The following TMCO1 variants were observed in gnomAD, a reference collection of about 807,000 sequenced individuals.
The protein encoded by TMCO1 is transmembrane and coiled-coil domains 1.
In TMCO1, 29 loss-of-function variants were observed where a neutral mutation model predicts 29.3. That is an observed-to-expected ratio of 0.99 (90% CI 0.74 to 1.35). The LOEUF (loss-of-function observed/expected upper bound fraction) is 1.35, where lower values mean the gene tolerates loss of function less well. Ranked by LOEUF, TMCO1 falls within the 40% of genes most tolerant of loss-of-function variation. The pLI is 0.00. For missense variants in TMCO1, 173 were observed against 225.5 expected (o/e 0.77, Z 1.49); for synonymous variants, 80 against 77.1 (o/e 1.04, Z -0.20).
chr1:165,765,892 T>C (rs1194275229), intron 2 of TMCO1, among the ~76,000 whole-genome samples: 3 of 152,202 alleles, frequency 2.0e-5, no homozygotes, highest in Non-Finnish European at 4.4e-5. Context: ...TTAAAAAGAT[T>C]ATTCTGGCTG....
chr1:165,726,188 TAG>T, downstream of TMCO1: 2 of 698,518 alleles, frequency 2.9e-6, no homozygotes, highest in Middle Eastern at 3.7e-4. Flanking sequence ...TTATTTTGCT[TAG>T]AGTGGTCAAT....
At position 165,768,418 on chromosome 1, in the gene TMCO1, C is replaced by T. The variant is rs1001845463; in HGVS notation, c.71-149G>A. 6.0e-6 allele frequency: 9 copies of T among 1,512,226 alleles called. No homozygotes were observed. In the African/African-American group the frequency reaches 1.2e-4, roughly 21 times the overall value. The allele number at this position is 1,512,226 out of a possible 1,614,324, so 93.7% of individuals were successfully genotyped here. On this transcript the variant is annotated intron_variant, in intron 1 of 6. Transcript: ENST00000367881. ...TTTTCAAAGGCTAATACAACTGACT[C>T]TTCAGCCAAAACAACAGTAACATGA...
intron 4 of TMCO1, among the ~76,000 whole-genome samples, chr1:165,753,670 CG>C (rs1241584340): frequency 2.0e-5 from 3 of 151,566 alleles, no homozygotes; most frequent in Non-Finnish European, 4.4e-5. Flanking sequence ...AAAAATTAGC[CG>C]GGCGTGGTGT....
chr1:165,756,323 G>C (rs1375908355), intron 3 of TMCO1, among the ~76,000 whole-genome samples: 3 of 152,124 alleles, frequency 2.0e-5, no homozygotes, highest in Non-Finnish European at 2.9e-5. Flanking sequence ...AATTAGTGAA[G>C]TCTTACAGTG....
intron 2 of TMCO1, among the ~76,000 whole-genome samples, chr1:165,760,197 G>A (rs751878691): frequency 9.2e-5 from 14 of 152,044 alleles, no homozygotes; most frequent in East Asian, 1.9e-4. Flanking sequence ...AGGCCTAGGC[G>A]GGCAGATCAC....
intron 6 of TMCO1, among the ~76,000 whole-genome samples, chr1:165,740,784 A>C (rs1242338040): frequency 1.3e-5 from 2 of 152,194 alleles, no homozygotes; most frequent in African/African-American, 4.8e-5. Context: ...CTTTGCTATA[A>C]AAGTGAGTTC....
At chr1:165,766,695 G>C (rs759920379) in intron 2 of TMCO1, among the ~76,000 whole-genome samples, 1 of 152,056 alleles carries the variant, frequency 6.6e-6, no homozygotes, top group African/African-American at 2.4e-5. Flanking sequence ...CAGGAGGATC[G>C]CTTAAGCCTG....
chr1:165,768,626 C>A, intron 1 of TMCO1, 56 bp downstream of exon 1: 1 of 1,613,374 alleles, frequency 6.2e-7, no homozygotes, highest in Non-Finnish European at 8.5e-7. Flanking sequence ...CACAGGGGAC[C>A]CCGGGGCCCT....
downstream of TMCO1, chr1:165,726,631 A>G: frequency 2.2e-6 from 1 of 455,234 alleles, no homozygotes; most frequent in Non-Finnish European, 4.4e-6. Context: ...TCTTGGGATA[A>G]TCCTTAAATT....
intron 4 of TMCO1, 101 bp downstream of exon 4, chr1:165,754,127 G>T: frequency 1.0e-6 from 1 of 961,968 alleles, no homozygotes; most frequent in Non-Finnish European, 1.7e-6. Context: ...CTTCACAGGT[G>T]ATAAATTTCT....
chr1:165,731,142 G>A (rs905957386), intron 6 of TMCO1, among the ~76,000 whole-genome samples: 14 of 151,912 alleles, frequency 9.2e-5, no homozygotes, highest in Non-Finnish European at 7.4e-5. Context: ...TTCGTGATCC[G>A]CCTGTCTCAG....
At position 165,749,580 on chromosome 1, in the gene TMCO1, T is replaced by C. The variant is rs372439418; in HGVS notation, c.323+2522A>G. Among the ~76,000 whole-genome samples, 13 of 152,306 alleles carry C rather than the reference T, an allele frequency of 8.5e-5. No individual in the cohort carries two copies. In the East Asian group the frequency reaches 1.3e-3, roughly 16 times the overall value. On this transcript the variant is annotated intron_variant, in intron 5 of 6. Transcript: ENST00000367881. Reference sequence around the variant, plus strand: ...CTGGGAGGCCAGAGGTAGGGATCACTGGGGCCCAGGAGTTCAAGGATGCAG... The same window carrying C: ...CTGGGAGGCCAGAGGTAGGGATCACCGGGGCCCAGGAGTTCAAGGATGCAG...
chr1:165,726,201 G>C, downstream of TMCO1: 1 of 699,270 alleles, frequency 1.4e-6, no homozygotes, highest in Non-Finnish European at 2.6e-6. Context: ...AGTGGTCAAT[G>C]ATATGGAGAA....
intron 6 of TMCO1, among the ~76,000 whole-genome samples, chr1:165,738,294 A>AAAAC (rs1183515991): frequency 6.6e-6 from 1 of 152,180 alleles, no homozygotes; most frequent in Non-Finnish European, 1.5e-5. Context: ...CTCTGTCTCC[A>AAAAC]AAACAAACAA....
At chr1:165,756,229 A>T (rs1469477769) in intron 3 of TMCO1, among the ~76,000 whole-genome samples, 1 of 152,182 alleles carries the variant, frequency 6.6e-6, no homozygotes, top group Non-Finnish European at 1.5e-5. Flanking sequence ...GGACACAAGC[A>T]TCTGGAGCAG....
At chr1:165,768,061 C>T (rs1488314579) in intron 2 of TMCO1, 131 bp downstream of exon 2, 9 of 803,180 alleles carry the variant, frequency 1.1e-5, no homozygotes, top group Admixed American at 4.0e-5. Flanking sequence ...GCATAAAAGT[C>T]TTCTATTTCT....
chr1:165,730,612 T>C (rs1651119544), intron 6 of TMCO1, among the ~76,000 whole-genome samples: 1 of 152,242 alleles, frequency 6.6e-6, no homozygotes, highest in South Asian at 2.1e-4. Flanking sequence ...TTTCTTTTTC[T>C]GAGACGTGGT....
chr1:165,735,732 C>A (rs1651348559), intron 6 of TMCO1, among the ~76,000 whole-genome samples: 1 of 152,208 alleles, frequency 6.6e-6, no homozygotes, highest in African/African-American at 2.4e-5. Context: ...CAAGGTTGGT[C>A]TGGAACTCCT....
intron 1 of TMCO1, chr1:165,768,480 AC>A: frequency 6.5e-7 from 1 of 1,542,462 alleles, no homozygotes; most frequent in African/African-American, 1.4e-5. Flanking sequence ...AGTGAAATCT[AC>A]CTGAGACCAA....
Sources: allele counts gnomAD v4.1 joint callset (sites outside exome capture counted in the v4.1 genomes callset), GRCh38; gene constraint gnomAD v4.1.1; transcripts MANE v1.5; gene names NCBI Gene and HGNC (gene_info 2026-07-23, HGNC 2026-07-21).